Variants in CORIN observed in about 807,000 individuals in gnomAD.
CORIN encodes the protein atrial natriuretic peptide-converting enzyme.
Under a neutral mutation model 125.3 loss-of-function variants are expected in CORIN, and 117 were observed. The ratio of observed to expected loss-of-function variants is 0.93; its 90% CI spans 0.80 to 1.09. The LOEUF is 1.09. Ranked by LOEUF, CORIN falls within the 50% of genes least tolerant of loss-of-function variation. The pLI is 0.00. For synonymous variants in CORIN, 450 were observed against 466.4 expected (o/e 0.96, Z 0.45); for missense variants, 1,253 against 1,306.7 (o/e 0.96, Z 0.63).
At chr4:47,624,344 G>A (rs7658554) in intron 17 of CORIN, among the ~76,000 whole-genome samples, 40,902 of 151,988 alleles carry the variant, frequency 0.27, 5,652 homozygotes, top group Admixed American at 0.35. Flanking sequence ...ACTTTTTAGA[G>A]TCAGTGGTGA....
In CORIN at chr4:47,678,030, T is replaced by A. The variant is rs767429101; in HGVS notation, c.1157A>T (p.Glu386Val). The change falls in exon 9 of 22, where the codon GAA (glutamate) becomes GTA (valine). Residue 386 changes from glutamate (E) to valine (V), a missense_variant. Transcript: ENST00000273857. ...NCSCHSQGLV[E>V]CRNGQCIPST... The stretch of plus-strand genomic sequence containing the variant: ...GGGGATACATTGTCCATTTCTGCAT[T>A]CCACCAGACCCTGGCTGTGACAGGC... 42 of 1,613,840 alleles carry A rather than the reference T, an allele frequency of 2.6e-5. No individual in the cohort carries two copies. The Admixed American group carries it at 7.0e-4, about 27-fold the overall frequency.
chr4:47,676,050 G>A (rs973002474), intron 9 of CORIN, among the ~76,000 whole-genome samples: 1 of 152,176 alleles, frequency 6.6e-6, no homozygotes, highest in African/African-American at 2.4e-5. Flanking sequence ...CAACCACTGA[G>A]AAAGGGGCTG....
chr4:47,604,822 T>C (rs1291569824), intron 19 of CORIN, among the ~76,000 whole-genome samples: 1 of 152,330 alleles, frequency 6.6e-6, no homozygotes, highest in East Asian at 1.9e-4. Context: ...AGGATATATA[T>C]TGACTATATC....
intron 13 of CORIN, among the ~76,000 whole-genome samples, chr4:47,650,355 A>C (rs1723684849): frequency 6.6e-6 from 1 of 152,150 alleles, no homozygotes; most frequent in Admixed American, 6.5e-5. Context: ...GTAATAAAGG[A>C]TTTTATTTTG....
intron 5 of CORIN, among the ~76,000 whole-genome samples, chr4:47,697,089 T>A (rs949085173): frequency 2.4e-4 from 36 of 152,182 alleles, no homozygotes; most frequent in Admixed American, 5.9e-4. Flanking sequence ...CTGCTCGAAA[T>A]CAAGTACTAT....
chr4:47,729,578 A>G (rs776959026), intron 5 of CORIN, among the ~76,000 whole-genome samples: 2 of 152,174 alleles, frequency 1.3e-5, no homozygotes, highest in Non-Finnish European at 2.9e-5. Context: ...TGGGATGTCT[A>G]TGTTGCACAA....
intron 1 of CORIN, among the ~76,000 whole-genome samples, chr4:47,833,320 G>C (rs1446523070): frequency 6.6e-6 from 1 of 152,080 alleles, no homozygotes; most frequent in East Asian, 1.9e-4. Context: ...TTCAACAAAT[G>C]GTGCTGGGAA....
intron 5 of CORIN, among the ~76,000 whole-genome samples, chr4:47,721,166 CAGAG>C (rs78663098): frequency 6.0e-5 from 9 of 149,276 alleles, no homozygotes; most frequent in Non-Finnish European, 7.4e-5. Flanking sequence ...CATGTACAGA[CAGAG>C]AGAGAGAGAG....
At chr4:47,623,132 ACT>A (rs1553904969) in intron 19 of CORIN, among the ~76,000 whole-genome samples, 3 of 142,752 alleles carry the variant, frequency 2.1e-5, no homozygotes, top group East Asian at 2.0e-4. Flanking sequence ...ACACACACAC[ACT>A]CTCTCTGAAT....
intron 9 of CORIN, among the ~76,000 whole-genome samples, chr4:47,675,559 G>T (rs1199712780): frequency 1.3e-5 from 2 of 151,894 alleles, no homozygotes; most frequent in African/African-American, 4.8e-5. Flanking sequence ...CATTATTTTG[G>T]CAAATATTAA....
intron 5 of CORIN, among the ~76,000 whole-genome samples, chr4:47,715,959 C>T (rs1393687319): frequency 3.3e-5 from 5 of 152,136 alleles, no homozygotes; most frequent in Admixed American, 6.5e-5. Context: ...ATCTGTTTGG[C>T]GTGAGGTTTC....
intron 13 of CORIN, among the ~76,000 whole-genome samples, chr4:47,649,220 G>A (rs1723625023): frequency 6.6e-6 from 1 of 152,184 alleles, no homozygotes; most frequent in East Asian, 1.9e-4. Flanking sequence ...ATGAAGGAAT[G>A]GATGGGACTT....
At chr4:47,730,246 A>T (rs1165101729) in intron 5 of CORIN, among the ~76,000 whole-genome samples, 1 of 151,996 alleles carries the variant, frequency 6.6e-6, no homozygotes, top group Non-Finnish European at 1.5e-5. Flanking sequence ...AGGCTGAGGC[A>T]GGCGGATCAC....
chr4:47,672,117 G>A (rs773652069), intron 10 of CORIN, among the ~76,000 whole-genome samples: 2 of 152,168 alleles, frequency 1.3e-5, no homozygotes, highest in Non-Finnish European at 1.5e-5. Flanking sequence ...GTGGGAAGAT[G>A]ACAATATGTT....
At chr4:47,783,903 C>T (rs918859222) in intron 3 of CORIN, among the ~76,000 whole-genome samples, 1 of 152,080 alleles carries the variant, frequency 6.6e-6, no homozygotes, top group Non-Finnish European at 1.5e-5. Context: ...ACTCTTTCTT[C>T]TCTCCCAGAA....
Position 47,705,846 on chromosome 4 carries a change from C to T in CORIN, c.800-12763G>A, listed in dbSNP as rs192070249. Among the ~76,000 whole-genome samples, 842 of 152,202 alleles carry T rather than the reference C, an allele frequency of 5.5e-3. 6 individuals carry two copies. Among genetic ancestry groups the T allele is most frequent in the African/African-American group, 0.019 (801 of 41,514 alleles). On this transcript the variant is annotated intron_variant, in intron 5 of 21. Transcript: ENST00000273857. ...GCCCGTAAAATATTTGTGAAGTGCC[C>T]CCCGTGTGTAACAGTATTTGAAAAC...
intron 16 of CORIN, among the ~76,000 whole-genome samples, chr4:47,641,078 G>T (rs9291314): frequency 6.6e-6 from 1 of 151,842 alleles, no homozygotes; most frequent in Non-Finnish European, 1.5e-5. Flanking sequence ...GGTGGGAGCT[G>T]CATATTAGTA....
chr4:47,801,369 A>C (rs973331483), intron 2 of CORIN, among the ~76,000 whole-genome samples: 9 of 152,240 alleles, frequency 5.9e-5, no homozygotes, highest in Non-Finnish European at 1.2e-4. Flanking sequence ...CAGGAGGCAG[A>C]GCAAGAGGCC....
intron 5 of CORIN, among the ~76,000 whole-genome samples, chr4:47,708,471 T>G (rs1266824276): frequency 1.3e-5 from 2 of 152,234 alleles, no homozygotes; most frequent in South Asian, 2.1e-4. Context: ...GAAGGTCAGA[T>G]GAGGAGCACC....
Sources: allele counts gnomAD v4.1 joint callset (sites outside exome capture counted in the v4.1 genomes callset), GRCh38; gene constraint gnomAD v4.1.1; transcripts MANE v1.5; gene names NCBI Gene and HGNC (gene_info 2026-07-23, HGNC 2026-07-21).